The following TEX30 variants were observed in gnomAD, a reference collection of about 807,000 sequenced individuals.
TEX30 encodes testis-expressed protein 30.
TEX30 carries 14 observed loss-of-function variants against 23.8 expected under a neutral mutation model. That is an observed-to-expected ratio of 0.59 (90% CI 0.39 to 0.92). The LOEUF (loss-of-function observed/expected upper bound fraction) is 0.92. Among genes scored for constraint, TEX30 ranks in the 40% least tolerant of loss-of-function variants. The pLI, the probability that TEX30 is intolerant of heterozygous loss-of-function variation, is 0.00. For synonymous variants in TEX30, 78 were observed against 90.2 expected (o/e 0.87, Z 0.76); for missense variants, 246 against 270.6 (o/e 0.91, Z 0.64).
chr13:102,767,057 A>G (rs974046874), intron 5 of TEX30, among the ~76,000 whole-genome samples: 6 of 152,192 alleles, frequency 3.9e-5, no homozygotes, highest in African/African-American at 1.4e-4. Context: ...TTTCCAAGTA[A>G]GGGTCATATT....
chr13:102,770,794 C>G (rs1877263522), intron 1 of TEX30: 1 of 152,178 alleles, frequency 6.6e-6, no homozygotes, highest in African/African-American at 2.4e-5. Flanking sequence ...CCAGACTAGT[C>G]TAACCAACAT....
intron 1 of TEX30, among the ~76,000 whole-genome samples, chr13:102,773,278 T>C (rs1453030610): frequency 1.3e-5 from 2 of 152,136 alleles, no homozygotes; most frequent in East Asian, 3.9e-4. Context: ...CTCACGGGCG[T>C]GCGGGGCTCG....
Position 102,766,586 on chromosome 13 carries a change from G to A in TEX30, c.505-6C>T. 6.2e-7 allele frequency: 1 copy of A among 1,609,642 alleles called. No homozygotes were observed. Among genetic ancestry groups the A allele is most frequent in the South Asian group, 1.1e-5 (1 of 90,228 alleles). On this transcript the variant is annotated splice_region_variant and splice_polypyrimidine_tract_variant and intron_variant, in intron 5 of 5. Transcript: ENST00000376032. ...GCCACTTTCTCCAACAAGTTCTAAA[G>A]AGAAAAAGAAGAGGATACTAGACTA...
At chr13:102,769,692 C>A in intron 2 of TEX30, 151 bp from the exon 3 acceptor site, 2 of 591,436 alleles carry the variant, frequency 3.4e-6, no homozygotes, top group South Asian at 2.3e-5. Flanking sequence ...TAGTTAAGTG[C>A]TTACTGTGTC....
rs1566427581 is a variant in TEX30, at chr13:102,770,001, G to GA, written c.15+10dup. The GA allele has an allele frequency of 6.9e-7, 1 of 1,445,296 alleles. No homozygotes were observed. The highest frequency in any genetic ancestry group is 1.4e-5 in the African/African-American group (1 of 68,988). The allele number at this position is 1,445,296 out of a possible 1,614,324, so 89.5% of individuals were successfully genotyped here. A position where few individuals can be genotyped will look rare whatever the true frequency, so the allele number is the denominator to read the frequency against. On this transcript the variant is annotated intron_variant, in intron 2 of 5. Coordinates refer to ENST00000376032, the MANE Select transcript of TEX30 (RefSeq NM_138779.5). ...GGAACCCTGAAGATGCAGAACATAC[G>GA]AAAATATTACCTCTGTATGACTCAT...
At chr13:102,772,230 A>C (rs1485666282) in intron 1 of TEX30, among the ~76,000 whole-genome samples, 1 of 151,642 alleles carries the variant, frequency 6.6e-6, no homozygotes, top group Non-Finnish European at 1.5e-5. Flanking sequence ...GAATCCTCGA[A>C]CTCCTGAGCT....
At chr13:102,771,981 G>A (rs7995465) in intron 1 of TEX30, among the ~76,000 whole-genome samples, 53,175 of 152,086 alleles carry the variant, frequency 0.35, 12,554 homozygotes, top group African/African-American at 0.66. Context: ...TACATGTTTT[G>A]GAGCCCGCTA....
At chr13:102,767,858 A>T (rs2139027481) in intron 4 of TEX30, among the ~76,000 whole-genome samples, 1 of 152,292 alleles carries the variant, frequency 6.6e-6, no homozygotes, top group South Asian at 2.1e-4. Context: ...GGCTGCAGTG[A>T]GCCGAGATGG....
intron 1 of TEX30, among the ~76,000 whole-genome samples, chr13:102,772,307 T>A (rs9518831): frequency 0.37 from 56,630 of 151,996 alleles, 13,626 homozygotes; most frequent in African/African-American, 0.68. Flanking sequence ...CACGCCCGCT[T>A]ATTATTTTTA....
At chr13:102,772,770 T>C (rs918273714) in intron 1 of TEX30, among the ~76,000 whole-genome samples, 1 of 152,230 alleles carries the variant, frequency 6.6e-6, no homozygotes, top group Non-Finnish European at 1.5e-5. Flanking sequence ...TTTCACCATG[T>C]TGGCCAGGCT....
In TEX30 at chr13:102,770,261, G is replaced by A. The variant is rs55709388; in HGVS notation, c.-60-175C>T. ...CTCAGAATTGGTTAGAGGGCCAGGT[G>A]CAGGGTTGGTAGATGTTATAGAAGA... On this transcript the variant is annotated intron_variant, in intron 1 of 5. Coordinates refer to ENST00000376032, the MANE Select transcript of TEX30 (RefSeq NM_138779.5). The A allele has an allele frequency of 5.1e-3, 1,826 of 356,470 alleles. 28 individuals are homozygous for A. Among genetic ancestry groups the A allele is most frequent in the African/African-American group, 0.034 (1,623 of 47,850 alleles). 22.1% of individuals were successfully genotyped at this position (356,470 alleles called of 1,614,324 possible).
At chr13:102,769,686 T>A in intron 2 of TEX30, 145 bp from the exon 3 acceptor site, 1 of 605,076 alleles carries the variant, frequency 1.7e-6, no homozygotes, top group Non-Finnish European at 2.9e-6. Context: ...TAATAGTAGT[T>A]AAGTGCTTAC....
At chr13:102,772,662 G>A (rs1877405619) in intron 1 of TEX30, among the ~76,000 whole-genome samples, 1 of 152,128 alleles carries the variant, frequency 6.6e-6, no homozygotes, top group Non-Finnish European at 1.5e-5. Context: ...TGCAGCCTCT[G>A]CCTCCCGGGT....
intron 1 of TEX30, among the ~76,000 whole-genome samples, chr13:102,772,262 C>T (rs1877379102): frequency 6.6e-6 from 1 of 152,074 alleles, no homozygotes; most frequent in Non-Finnish European, 1.5e-5. Flanking sequence ...CTCGCCTCAG[C>T]CTCTTGAGTA....
At chr13:102,770,498 C>T (rs1566427915) in intron 1 of TEX30, among the ~76,000 whole-genome samples, 1 of 152,126 alleles carries the variant, frequency 6.6e-6, no homozygotes. Flanking sequence ...CCTACCCATC[C>T]ACATCTTGTC....
At chr13:102,772,144 T>C (rs1455608259) in intron 1 of TEX30, among the ~76,000 whole-genome samples, 1 of 125,416 alleles carries the variant, frequency 8.0e-6, no homozygotes, top group African/African-American at 3.8e-5. Flanking sequence ...TGCTTCCCTA[T>C]TTTTTTTTTT....
At position 102,766,412 on chromosome 13, in the gene TEX30, T is replaced by C. The variant is rs748327972; in HGVS notation, c.673A>G (p.Lys225Glu). The stretch of plus-strand genomic sequence containing the variant: ...AACATGGCTTTTAACTAATGACATT[T>C]CTTGTCCATTTCAGTAATTTCTTGG... ...WIQEITEMDK[K>E]CH Residue 225 changes from lysine to glutamate, a missense_variant, in exon 6 of 6, where the codon AAA becomes GAA. Physicochemically the swap from Lys to Glu is moderately conservative, Grantham distance 56. Coordinates refer to ENST00000376032, the MANE Select transcript of TEX30 (RefSeq NM_138779.5). 4 of 1,613,540 alleles carry C rather than the reference T, an allele frequency of 2.5e-6. No individual in the cohort carries two copies. The highest frequency in any genetic ancestry group is 3.4e-6 in the Non-Finnish European group (4 of 1,179,674).
rs1877144927 is a variant in TEX30 at position 102,769,395 on chromosome 13, A to G, written c.162T>C (p.Leu54=). The G allele has an allele frequency of 6.2e-7, 1 of 1,609,128 alleles. No individual in the cohort carries two copies. Among genetic ancestry groups the G allele is most frequent in the Non-Finnish European group, 8.5e-7 (1 of 1,178,414 alleles). ...TCAGGCAGAAAAACCCATGAGATGC[A>G]AGATGGGATGCCAGTGACATCAAAT... ...LPHLMSLASH[L]ASHGFFCLRF... The change falls in exon 3 of 6, where the codon CTT becomes CTC. Residue 54 remains leucine (L), a synonymous_variant. Coordinates refer to ENST00000376032, the MANE Select transcript of TEX30 (RefSeq NM_138779.5).
chr13:102,769,344 A>G lies in TEX30; in HGVS notation c.213T>C (p.Ile71=), dbSNP rs761043694. ...CLRFTCKGLN[I]VHRIKAYKSV... is the part of the protein sequence containing the mutation. ...ATTTATACGCCTTAATTCTATGTAC[A>G]ATATTAAGGCCTTTACAGGTAAATC... Residue 71 remains isoleucine, a synonymous_variant, in exon 3 of 6, where the codon ATT becomes ATC. Transcript: ENST00000376032. The G allele has an allele frequency of 2.5e-6, 4 of 1,570,638 alleles. No homozygotes were observed. In the South Asian group the frequency reaches 4.9e-5, roughly 19 times the overall value.
Sources: allele counts gnomAD v4.1 joint callset (sites outside exome capture counted in the v4.1 genomes callset), GRCh38; gene constraint gnomAD v4.1.1; transcripts MANE v1.5; gene names NCBI Gene and HGNC (gene_info 2026-07-23, HGNC 2026-07-21).